IL1RAPL2: variants seen among roughly 807,000 people sequenced by gnomAD.
IL1RAPL2 encodes the protein interleukin 1 receptor accessory protein like 2, also known as X-linked interleukin-1 receptor accessory protein-like 2.
In IL1RAPL2, 3 loss-of-function variants were observed where a neutral mutation model predicts 44.1. The observed-to-expected ratio is 0.07, with a 90% CI of 0.03 to 0.18. The LOEUF is 0.18. Ranked by LOEUF, IL1RAPL2 falls within the 10% of genes least tolerant of loss-of-function variation. The pLI is 1.00. For missense variants in IL1RAPL2, 391 were observed against 496.4 expected (o/e 0.79, Z 2.02); for synonymous variants, 181 against 178.8 (o/e 1.01, Z -0.10).
chrX:105,459,697 T>C (rs2036080034), intron 5 of IL1RAPL2, among the ~76,000 whole-genome samples: 1 of 111,579 alleles, frequency 9.0e-6, no homozygotes, highest in African/African-American at 3.2e-5. Context: ...ACAAATCCAA[T>C]ATTAATAGCA....
chrX:105,309,754 T>C (rs1057339332), intron 5 of IL1RAPL2, among the ~76,000 whole-genome samples: 1 of 111,230 alleles, frequency 9.0e-6, no homozygotes, highest in Non-Finnish European at 1.9e-5. Flanking sequence ...AATCTGTTTT[T>C]AAAATTTTGG....
chrX:105,495,848 C>T (rs1320206640), intron 6 of IL1RAPL2, among the ~76,000 whole-genome samples: 2 of 111,339 alleles, frequency 1.8e-5, no homozygotes, highest in African/African-American at 3.3e-5. Context: ...CTCCTCCTCT[C>T]GGCCAGGGCG....
intron 6 of IL1RAPL2, among the ~76,000 whole-genome samples, chrX:105,540,883 T>TTATATATCA (rs2036724082): frequency 1.9e-5 from 1 of 51,601 alleles, no homozygotes; most frequent in East Asian, 4.0e-4. Context: ...CATACATATA[T>TTATATATCA]TATATATGAT....
At chrX:105,309,472 C>G (rs2034778074) in intron 5 of IL1RAPL2, among the ~76,000 whole-genome samples, 1 of 109,714 alleles carries the variant, frequency 9.1e-6, no homozygotes, top group South Asian at 4.0e-4. Context: ...TGGCTCACGT[C>G]TGTAATTCCA....
intron 6 of IL1RAPL2, among the ~76,000 whole-genome samples, chrX:105,564,076 G>C (rs1376175842): frequency 9.0e-6 from 1 of 111,555 alleles, no homozygotes; most frequent in East Asian, 2.8e-4. Context: ...CTGCTTCATA[G>C]ATGGTGCATT....
At chrX:104,594,651 C>A (rs1418342807) in intron 1 of IL1RAPL2, among the ~76,000 whole-genome samples, 1 of 112,058 alleles carries the variant, frequency 8.9e-6, no homozygotes, top group Non-Finnish European at 1.9e-5. Flanking sequence ...TATGTTATTA[C>A]AACATATGAT....
intron 1 of IL1RAPL2, among the ~76,000 whole-genome samples, chrX:104,608,565 AT>A (rs1040363305): frequency 2.7e-5 from 3 of 109,129 alleles, no homozygotes; most frequent in African/African-American, 1.0e-4. Flanking sequence ...TTGTTGTTGA[AT>A]TGATCCCTTT....
At chrX:105,081,199 T>C (rs1355151180) in intron 2 of IL1RAPL2, among the ~76,000 whole-genome samples, 1 of 111,279 alleles carries the variant, frequency 9.0e-6, no homozygotes, top group African/African-American at 3.3e-5. Context: ...CCTATTTAAA[T>C]ACCCTTTATT....
At chrX:104,881,640 A>G (rs1248545966) in intron 2 of IL1RAPL2, among the ~76,000 whole-genome samples, 1 of 112,287 alleles carries the variant, frequency 8.9e-6, no homozygotes. Flanking sequence ...GAAAATGCTT[A>G]TCTACTGAAA....
At chrX:105,050,277 G>C (rs774077312) in intron 2 of IL1RAPL2, among the ~76,000 whole-genome samples, 131 of 111,953 alleles carry the variant, frequency 1.2e-3, no homozygotes, top group South Asian at 5.2e-3. Flanking sequence ...TTTGGAAGTA[G>C]GACTCAGTAC....
At chrX:105,107,557 A>C (rs2147563362) in intron 2 of IL1RAPL2, among the ~76,000 whole-genome samples, 1 of 112,111 alleles carries the variant, frequency 8.9e-6, no homozygotes, top group Admixed American at 9.5e-5. Context: ...TGATTAACAT[A>C]GCTTTCTCCT....
chrX:104,996,635 A>G (rs963827308), intron 2 of IL1RAPL2, among the ~76,000 whole-genome samples: 1 of 112,312 alleles, frequency 8.9e-6, no homozygotes, highest in Non-Finnish European at 1.9e-5. Context: ...TATGCTTTGA[A>G]TAAGTTTATT....
At chrX:105,132,414 G>A (rs1226681893) in intron 2 of IL1RAPL2, among the ~76,000 whole-genome samples, 2 of 110,896 alleles carry the variant, frequency 1.8e-5, no homozygotes, top group African/African-American at 3.3e-5. Flanking sequence ...TTAAAAGGAG[G>A]TGAGGATCCT....
intron 2 of IL1RAPL2, among the ~76,000 whole-genome samples, chrX:105,152,046 G>A (rs936058817): frequency 2.7e-5 from 3 of 110,493 alleles, no homozygotes; most frequent in African/African-American, 6.6e-5. Context: ...ATACAGTGGA[G>A]TGTATACTGC....
chrX:105,109,630 T>C (rs2032781278), intron 2 of IL1RAPL2, among the ~76,000 whole-genome samples: 1 of 111,766 alleles, frequency 8.9e-6, no homozygotes, highest in South Asian at 3.8e-4. Flanking sequence ...CTGTCAACAG[T>C]ATGGAATTAC....
At chrX:105,214,211 G>C (rs1341309913) in intron 3 of IL1RAPL2, among the ~76,000 whole-genome samples, 1 of 99,930 alleles carries the variant, frequency 1.0e-5, no homozygotes, top group African/African-American at 3.7e-5. Flanking sequence ...TCAGTATGCT[G>C]TATTCAGGAG....
intron 2 of IL1RAPL2, among the ~76,000 whole-genome samples, chrX:104,948,211 C>G (rs1045487668): frequency 1.9e-5 from 2 of 107,250 alleles, no homozygotes; most frequent in Admixed American, 1.0e-4. Flanking sequence ...TGATTTGGCT[C>G]TCTGTTTGTC....
intron 5 of IL1RAPL2, among the ~76,000 whole-genome samples, chrX:105,302,546 C>T (rs1160139061): frequency 8.9e-6 from 1 of 111,926 alleles, no homozygotes; most frequent in African/African-American, 3.2e-5. Flanking sequence ...CATCTGTGTG[C>T]TAGGGCATGG....
chrX:104,912,380 T>C (rs771030395), intron 2 of IL1RAPL2, among the ~76,000 whole-genome samples: 128 of 110,795 alleles, frequency 1.2e-3, no homozygotes, highest in Admixed American at 4.8e-3. Context: ...GTGCCCTTTC[T>C]GCTATACCAC....
Sources: allele counts gnomAD v4.1 joint callset (sites outside exome capture counted in the v4.1 genomes callset), GRCh38; gene constraint gnomAD v4.1.1; transcripts MANE v1.5; gene names NCBI Gene and HGNC (gene_info 2026-07-23, HGNC 2026-07-21).